The following CNTNAP2 variants were observed in gnomAD, a reference collection of about 807,000 sequenced individuals.
The protein encoded by CNTNAP2 is contactin associated protein 2.
In CNTNAP2, 98 loss-of-function variants were observed where a neutral mutation model predicts 155.2. The observed-to-expected ratio is 0.63, with a 90% CI of 0.54 to 0.75. The LOEUF (loss-of-function observed/expected upper bound fraction) is 0.75, where lower values mean the gene tolerates loss of function less well. Among genes scored for constraint, CNTNAP2 ranks in the 30% least tolerant of loss-of-function variants. CNTNAP2 has a pLI of 0.00. For missense variants in CNTNAP2, 1,727 were observed against 1,688.1 expected, an observed-to-expected ratio of 1.02 and a Z score of -0.40; for synonymous variants, 651 against 631.2, an observed-to-expected ratio of 1.03 and a Z score of -0.47.
chr7:146,401,642 A>G (rs1416205910), intron 1 of CNTNAP2, among the ~76,000 whole-genome samples: 1 of 152,104 alleles, frequency 6.6e-6, no homozygotes, highest in Non-Finnish European at 1.5e-5. Context: ...GGCTCTGAGG[A>G]TATTTTGCTT....
At chr7:147,367,098 C>A (rs1796245314) in intron 9 of CNTNAP2, among the ~76,000 whole-genome samples, 1 of 152,112 alleles carries the variant, frequency 6.6e-6, no homozygotes, top group South Asian at 2.1e-4. Flanking sequence ...ATACAAAAAG[C>A]ACCAAAACAA....
chr7:147,885,470 G>A (rs974326749), intron 13 of CNTNAP2, among the ~76,000 whole-genome samples: 1 of 152,100 alleles, frequency 6.6e-6, no homozygotes, highest in African/African-American at 2.4e-5. Context: ...TTCCTTCTTT[G>A]TCAATTTCTT....
intron 16 of CNTNAP2, among the ~76,000 whole-genome samples, chr7:148,143,314 T>C (rs564863926): frequency 1.3e-5 from 2 of 152,270 alleles, no homozygotes; most frequent in African/African-American, 4.8e-5. Flanking sequence ...ACAATAAAAA[T>C]GGCTTGAGCA....
intron 11 of CNTNAP2, among the ~76,000 whole-genome samples, chr7:147,503,304 C>G (rs1483547424): frequency 6.6e-6 from 1 of 152,196 alleles, no homozygotes; most frequent in Non-Finnish European, 1.5e-5. Flanking sequence ...GTGTCAGAAT[C>G]TTTCTCTCCT....
At chr7:147,807,557 G>C (rs913346900) in intron 13 of CNTNAP2, among the ~76,000 whole-genome samples, 1 of 152,096 alleles carries the variant, frequency 6.6e-6, no homozygotes, top group African/African-American at 2.4e-5. Flanking sequence ...AGAGCACGTA[G>C]TCATTCTATC....
intron 18 of CNTNAP2, among the ~76,000 whole-genome samples, chr7:148,204,481 C>T (rs1425298469): frequency 2.0e-5 from 3 of 152,212 alleles, no homozygotes; most frequent in African/African-American, 2.4e-5. Flanking sequence ...GGAATGTCAT[C>T]AACTTCGACT....
intron 3 of CNTNAP2, among the ~76,000 whole-genome samples, chr7:146,861,053 T>C (rs1795088278): frequency 6.6e-6 from 1 of 152,074 alleles, no homozygotes; most frequent in African/African-American, 2.4e-5. Context: ...TTCTTTTTTC[T>C]TTGTTTGTTT....
chr7:147,671,074 C>G (rs535563666), intron 13 of CNTNAP2, among the ~76,000 whole-genome samples: 1 of 152,208 alleles, frequency 6.6e-6, no homozygotes, highest in Non-Finnish European at 1.5e-5. Context: ...TACCCGTGTG[C>G]TCCTTCCCAT....
At chr7:147,900,281 A>AC (rs1554447289) in intron 13 of CNTNAP2, among the ~76,000 whole-genome samples, 12 of 152,042 alleles carry the variant, frequency 7.9e-5, no homozygotes, top group African/African-American at 2.9e-4. Flanking sequence ...CCATGTGTCA[A>AC]GGGGGGGACT....
At chr7:146,295,880 A>G (rs1800507058) in intron 1 of CNTNAP2, among the ~76,000 whole-genome samples, 1 of 151,768 alleles carries the variant, frequency 6.6e-6, no homozygotes, top group Non-Finnish European at 1.5e-5. Context: ...ATCTCAAAAA[A>G]AAAAAAACAA....
chr7:147,178,057 C>G (rs961101762), intron 8 of CNTNAP2, among the ~76,000 whole-genome samples: 3 of 152,106 alleles, frequency 2.0e-5, no homozygotes, highest in Admixed American at 1.3e-4. Flanking sequence ...TCCGCCCCCC[C>G]ACCACGAAGA....
chr7:148,210,535 G>A (rs1414595388), intron 18 of CNTNAP2, among the ~76,000 whole-genome samples: 1 of 152,228 alleles, frequency 6.6e-6, no homozygotes, highest in Non-Finnish European at 1.5e-5. Flanking sequence ...ATAGCTGATT[G>A]ATGTGTTTAC....
At chr7:148,056,977 A>G (rs1482209257) in intron 15 of CNTNAP2, among the ~76,000 whole-genome samples, 2 of 152,164 alleles carry the variant, frequency 1.3e-5, no homozygotes, top group East Asian at 1.9e-4. Context: ...TTTATAGACA[A>G]ACAGACCTGG....
chr7:147,077,586 C>T (rs190569886), intron 4 of CNTNAP2, among the ~76,000 whole-genome samples: 1 of 152,264 alleles, frequency 6.6e-6, no homozygotes, highest in Admixed American at 6.5e-5. Flanking sequence ...ACACCAAATA[C>T]ATAAATAATG....
chr7:147,489,280 A>T (rs990530614), intron 11 of CNTNAP2, among the ~76,000 whole-genome samples: 4 of 152,214 alleles, frequency 2.6e-5, no homozygotes, highest in Non-Finnish European at 4.4e-5. Context: ...AGGAGCCAGG[A>T]TGTCTCCCTT....
chr7:147,991,762 T>C (rs990034954), intron 15 of CNTNAP2, among the ~76,000 whole-genome samples: 2 of 152,212 alleles, frequency 1.3e-5, no homozygotes, highest in Admixed American at 6.5e-5. Flanking sequence ...TCAAGGTTAT[T>C]ACTGACAAAA....
intron 15 of CNTNAP2, among the ~76,000 whole-genome samples, chr7:148,037,239 C>A (rs558108363): frequency 1.1e-3 from 166 of 152,254 alleles, no homozygotes; most frequent in African/African-American, 3.8e-3. Context: ...ATCTTGCTCC[C>A]CTCCCCCATC....
At position 147,107,839 on chromosome 7, in the gene CNTNAP2, C is replaced by A. The variant is rs958583070; in HGVS notation, c.551-308C>A. Among the ~76,000 whole-genome samples, 3 of 152,030 alleles carry A rather than the reference C, an allele frequency of 2.0e-5. 1 individual carries two copies. On this transcript the variant is annotated intron_variant, in intron 4 of 23. Coordinates refer to ENST00000361727, the MANE Select transcript of CNTNAP2 (RefSeq NM_014141.6). ...GATTTAAAAATTTTACGATTTTGGT[C>A]TAAACTCTAGATTTCTAAGTTAAGA... is the stretch of plus-strand genomic sequence containing the variant.
intron 1 of CNTNAP2, among the ~76,000 whole-genome samples, chr7:146,307,914 TG>T (rs1467342395): frequency 1.2e-4 from 19 of 152,248 alleles, no homozygotes. Context: ...GCCATAGGCA[TG>T]GGCAAGGACT....
Sources: allele counts gnomAD v4.1 joint callset (sites outside exome capture counted in the v4.1 genomes callset), GRCh38; gene constraint gnomAD v4.1.1; transcripts MANE v1.5; gene names NCBI Gene and HGNC (gene_info 2026-07-23, HGNC 2026-07-21).